The following ZMYM2 variants were observed in gnomAD, a reference collection of about 807,000 sequenced individuals.
ZMYM2 encodes zinc finger MYM-type protein 2.
In ZMYM2, 56 loss-of-function variants were observed where a neutral mutation model predicts 162.8. The ratio of observed to expected loss-of-function variants is 0.34; its 90% confidence interval spans 0.28 to 0.43. ZMYM2 has a LOEUF of 0.43. Among genes scored for constraint, ZMYM2 ranks in the 20% least tolerant of loss-of-function variants. ZMYM2 has a pLI of 1.00. For synonymous variants in ZMYM2, 510 were observed against 541.6 expected (o/e 0.94, Z 0.81); for missense variants, 1,275 against 1,621.8 (o/e 0.79, Z 3.67).
At chr13:19,911,549 C>A in the ZMYM2 span, among the ~76,000 whole-genome samples, 3 of 152,144 alleles carry the variant, frequency 2.0e-5, no homozygotes, top group South Asian at 4.1e-4. Flanking sequence ...AGGAAATAAT[C>A]AGCCTTTTGG....
At chr13:20,062,651 G>T (rs989021994) in intron 17 of ZMYM2, among the ~76,000 whole-genome samples, 195 bp from the exon 18 acceptor site, 1 of 152,148 alleles carries the variant, frequency 6.6e-6, no homozygotes, top group East Asian at 1.9e-4. Flanking sequence ...TCATGTGCTT[G>T]TGACTAATTA....
chr13:20,037,236 T>TC (rs1272578963), intron 12 of ZMYM2, among the ~76,000 whole-genome samples: 13 of 147,738 alleles, frequency 8.8e-5, no homozygotes, highest in African/African-American at 3.1e-4. Context: ...TTTTTTTTTT[T>TC]TGAGATGAAA....
At chr13:19,878,517 C>CCCTT in the ZMYM2 span, among the ~76,000 whole-genome samples, 34 of 99,024 alleles carry the variant, frequency 3.4e-4, no homozygotes, top group African/African-American at 1.1e-3. Context: ...TTCCTTTGCC[C>CCCTT]TTTTTTTTTT....
At chr13:19,953,156 T>G in the ZMYM2 span, among the ~76,000 whole-genome samples, 1 of 152,214 alleles carries the variant, frequency 6.6e-6, no homozygotes, top group Non-Finnish European at 1.5e-5. Context: ...AGTAAATTTC[T>G]GTTATTGATA....
chr13:20,024,955 G>T (rs926783290), intron 7 of ZMYM2: 1 of 214,670 alleles, frequency 4.7e-6, no homozygotes, highest in African/African-American at 2.3e-5. Context: ...TAATGAACAT[G>T]CATTCCTGGC....
the ZMYM2 span, among the ~76,000 whole-genome samples, chr13:19,918,459 C>CA: frequency 4.3e-3 from 615 of 144,260 alleles, 1 homozygote; most frequent in Non-Finnish European, 7.6e-3. Context: ...AACAAACAAC[C>CA]AAAAAAAAAA....
At chr13:19,979,090 A>G (rs973522142) in intron 2 of ZMYM2, among the ~76,000 whole-genome samples, 2 of 152,096 alleles carry the variant, frequency 1.3e-5, no homozygotes, top group African/African-American at 4.8e-5. Context: ...TCTGGCTTCT[A>G]TAGTTTCTGA....
intron 6 of ZMYM2, among the ~76,000 whole-genome samples, chr13:20,009,668 T>C (rs1951019379): frequency 6.6e-6 from 1 of 152,230 alleles, no homozygotes; most frequent in Non-Finnish European, 1.5e-5. Context: ...TTTGTCTTTT[T>C]GCATCTGGGT....
At chr13:20,074,532 C>T (rs1028147930) in intron 21 of ZMYM2, among the ~76,000 whole-genome samples, 14 of 151,192 alleles carry the variant, frequency 9.3e-5, no homozygotes, top group African/African-American at 3.2e-4. Context: ...CCACTGTGCC[C>T]GGCTTCCTTC....
chr13:20,054,916 C>A (rs1955666114), intron 14 of ZMYM2, among the ~76,000 whole-genome samples: 1 of 151,800 alleles, frequency 6.6e-6, no homozygotes, highest in Non-Finnish European at 1.5e-5. Context: ...TGCCTGACGT[C>A]ACACAGCAGT....
chr13:20,048,691 CT>C (rs1955040279), intron 12 of ZMYM2, among the ~76,000 whole-genome samples: 1 of 151,828 alleles, frequency 6.6e-6, no homozygotes, highest in African/African-American at 2.4e-5. Context: ...GCTGAATGAC[CT>C]TTTGCCAGTT....
chr13:20,027,754 C>T (rs1230834422), intron 9 of ZMYM2, among the ~76,000 whole-genome samples: 9 of 151,944 alleles, frequency 5.9e-5, no homozygotes, highest in African/African-American at 2.2e-4. Flanking sequence ...TACACTAGGC[C>T]TTAATTTAAT....
At chr13:19,886,212 TG>T in the ZMYM2 span, among the ~76,000 whole-genome samples, 1 of 137,506 alleles carries the variant, frequency 7.3e-6, no homozygotes, top group African/African-American at 2.7e-5. Context: ...TTGCCCAAGC[TG>T]GAGTGCGATG....
intron 16 of ZMYM2, 46 bp from the exon 17 acceptor site, chr13:20,061,007 C>A: frequency 6.5e-7 from 1 of 1,541,896 alleles, no homozygotes; most frequent in South Asian, 1.2e-5. Context: ...GGAAAAATAC[C>A]TTTTAATGTT....
At chr13:20,059,622 A>G in intron 16 of ZMYM2, 60 bp downstream of exon 16, 1 of 808,952 alleles carries the variant, frequency 1.2e-6, no homozygotes. Context: ...TTGGGAAAAC[A>G]GTGTACAGTT....
chr13:20,051,444 T>C lies in ZMYM2; in HGVS notation c.2304T>C (p.Cys768=). The C allele has an allele frequency of 1.2e-6, 2 of 1,612,438 alleles. No homozygotes were observed. Among genetic ancestry groups the C allele is most frequent in the Non-Finnish European group, 1.7e-6 (2 of 1,179,232 alleles). The change falls in exon 13 of 25, where the codon TGT becomes TGC. Residue 768 remains cysteine (C), a synonymous_variant. Coordinates refer to ENST00000610343, the MANE Select transcript of ZMYM2 (RefSeq NM_197968.4). ...FQDWYYKAAR[C]DCCKSQGTLK... is the part of the protein sequence containing the mutation. ...CTTTTTAAATTAAGGCTGCAAGGTGTGACTGTTGTAAATCTCAAGGAACTC... is the reference window on the plus strand; with the variant it reads ...CTTTTTAAATTAAGGCTGCAAGGTGCGACTGTTGTAAATCTCAAGGAACTC...
chr13:19,973,811 C>G (rs922132870), intron 2 of ZMYM2, among the ~76,000 whole-genome samples: 1 of 151,866 alleles, frequency 6.6e-6, no homozygotes, highest in African/African-American at 2.4e-5. Context: ...TGGCTCAACA[C>G]AAATTTGTAA....
intron 9 of ZMYM2, among the ~76,000 whole-genome samples, chr13:20,029,771 T>C (rs2140289586): frequency 6.6e-6 from 1 of 152,256 alleles, no homozygotes; most frequent in African/African-American, 2.4e-5. Context: ...TCAGTGTCCA[T>C]GTATGCTTAT....
At chr13:19,932,308 G>T in the ZMYM2 span, among the ~76,000 whole-genome samples, 1 of 152,140 alleles carries the variant, frequency 6.6e-6, no homozygotes, top group Non-Finnish European at 1.5e-5. Context: ...TTTAGAGGAA[G>T]TCAGGAGGGT....
Sources: gnomAD v4.1 joint callset for allele counts (sites outside exome capture counted in the v4.1 genomes callset) on GRCh38, gnomAD v4.1.1 for gene constraint, MANE v1.5 for transcripts, NCBI Gene and HGNC (gene_info 2026-07-23, HGNC 2026-07-21) for gene names.